CPNE8: variants seen among roughly 807,000 people sequenced by gnomAD.
CPNE8 encodes the protein copine-8.
Under a neutral mutation model 81.5 loss-of-function variants are expected in CPNE8, and 45 were observed. That is an observed-to-expected ratio of 0.55 (90% CI 0.44 to 0.71). The LOEUF (loss-of-function observed/expected upper bound fraction) is 0.71, where lower values mean the gene tolerates loss of function less well. Ranked by LOEUF, CPNE8 falls within the 30% of genes least tolerant of loss-of-function variation. CPNE8 has a pLI of 0.00. For missense variants in CPNE8, 594 were observed against 672.1 expected (o/e 0.88, Z 1.28); for synonymous variants, 252 against 226.3 (o/e 1.11, Z -1.02).
chr12:38,687,357 C>T lies in CPNE8; in HGVS notation c.1144-1740G>A, dbSNP rs887281932. On this transcript the variant is annotated intron_variant, in intron 15 of 19. Transcript: ENST00000331366. The stretch of plus-strand genomic sequence containing the variant: ...TAAACACCATTATGCTACCAAATTA[C>T]GAAATGCCAAGACTTTCTTTTTTTT... Among the ~76,000 whole-genome samples, 26 of 145,028 alleles carry T rather than the reference C, an allele frequency of 1.8e-4. No individual in the cohort carries two copies. The East Asian group carries it at 1.9e-3, about 10-fold the overall frequency.
intron 1 of CPNE8, among the ~76,000 whole-genome samples, chr12:38,891,946 G>A (rs1258549804): frequency 6.6e-6 from 1 of 152,180 alleles, no homozygotes; most frequent in Non-Finnish European, 1.5e-5. Context: ...GGGGAGACAG[G>A]CGTGCAAAAA....
At chr12:38,669,494 T>C (rs2136642438) in intron 19 of CPNE8, among the ~76,000 whole-genome samples, 1 of 152,304 alleles carries the variant, frequency 6.6e-6, no homozygotes, top group South Asian at 2.1e-4. Flanking sequence ...CTATAAAGCT[T>C]ATCCAAGTTA....
At chr12:38,720,082 A>C (rs1253657028) in intron 13 of CPNE8, among the ~76,000 whole-genome samples, 1 of 152,118 alleles carries the variant, frequency 6.6e-6, no homozygotes, top group African/African-American at 2.4e-5. Flanking sequence ...ACCTCCCCAG[A>C]ACTGGGTTCT....
At chr12:38,875,543 T>C (rs892481413) in intron 1 of CPNE8, among the ~76,000 whole-genome samples, 6 of 152,340 alleles carry the variant, frequency 3.9e-5, no homozygotes, top group Non-Finnish European at 8.8e-5. Flanking sequence ...AGGACTACTA[T>C]TCATGTGCAT....
chr12:38,785,889 C>A (rs1249140526), intron 6 of CPNE8, among the ~76,000 whole-genome samples: 1 of 151,264 alleles, frequency 6.6e-6, no homozygotes, highest in South Asian at 2.1e-4. Flanking sequence ...TCTTAGTAAC[C>A]ACAAACAAGA....
chr12:38,880,673 T>A (rs1156232902), intron 1 of CPNE8, among the ~76,000 whole-genome samples: 1 of 152,038 alleles, frequency 6.6e-6, no homozygotes, highest in Non-Finnish European at 1.5e-5. Flanking sequence ...GTTTTCAGAA[T>A]TTTTTTTATG....
chr12:38,834,147 A>T (rs1943344537), intron 5 of CPNE8, among the ~76,000 whole-genome samples: 1 of 152,132 alleles, frequency 6.6e-6, no homozygotes, highest in Admixed American at 6.5e-5. Flanking sequence ...TTTTAAAATG[A>T]TCATTCTAGC....
In CPNE8 at chr12:38,670,988, CAAAG is replaced by C; in HGVS notation, c.1433-190_1433-187del. On this transcript the variant is annotated intron_variant, in intron 18 of 19. Transcript: ENST00000331366. Reference sequence around the variant, plus strand: ...CTTGATTAAGTGTGCATTTTACAGACAAAGAAAGTGAACCAAGATCTTTTGTGAC... The same window carrying C: ...CTTGATTAAGTGTGCATTTTACAGACAAAGTGAACCAAGATCTTTTGTGAC... 3 of 503,050 alleles carry C rather than the reference CAAAG, an allele frequency of 6.0e-6. No individual in the cohort carries two copies. In the South Asian group the frequency reaches 8.0e-5, roughly 13 times the overall value. The allele number at this position is 503,050 out of a possible 1,614,324, so 31.2% of individuals were successfully genotyped here.
chr12:38,802,607 G>A (rs544178307), intron 6 of CPNE8, among the ~76,000 whole-genome samples: 3 of 148,138 alleles, frequency 2.0e-5, no homozygotes, highest in Non-Finnish European at 3.0e-5. Flanking sequence ...AACTATAAAA[G>A]CAAGAGCAAA....
intron 6 of CPNE8, among the ~76,000 whole-genome samples, chr12:38,779,399 C>T (rs1355080012): frequency 2.0e-5 from 3 of 152,096 alleles, no homozygotes; most frequent in African/African-American, 7.2e-5. Flanking sequence ...CAGCATAAAG[C>T]TTATATCTCA....
chr12:38,681,384 A>T (rs1431795762), intron 16 of CPNE8, among the ~76,000 whole-genome samples: 1 of 146,332 alleles, frequency 6.8e-6, no homozygotes. Flanking sequence ...AGATTTAAAC[A>T]TAGTATTTTA....
At chr12:38,814,619 C>A (rs1232790438) in intron 6 of CPNE8, among the ~76,000 whole-genome samples, 3 of 151,870 alleles carry the variant, frequency 2.0e-5, no homozygotes, top group African/African-American at 7.3e-5. Flanking sequence ...TTAGGGTGGG[C>A]TATTTATGTG....
intron 10 of CPNE8, among the ~76,000 whole-genome samples, chr12:38,746,914 T>A (rs1435717599): frequency 6.6e-6 from 1 of 152,164 alleles, no homozygotes; most frequent in Non-Finnish European, 1.5e-5. Flanking sequence ...ATGTAATGTA[T>A]CTTAATTAAA....
rs1938733874 is a variant in CPNE8, at chr12:38,653,024, C to G, written c.*858G>C. On this transcript the variant is annotated 3_prime_UTR_variant, in exon 20 of 20. Coordinates refer to ENST00000331366, the MANE Select transcript of CPNE8 (RefSeq NM_153634.3). ...TTTAAAACATCTGCTACATAGTTCA[C>G]AGTTAAATAGTCTTGGTTTCAGTCT... The G allele has an allele frequency of 1.3e-5, 2 of 152,700 alleles. No homozygotes were observed. Among genetic ancestry groups the G allele is most frequent in the East Asian group, 3.9e-4 (2 of 5,192 alleles). 9.5% of individuals were successfully genotyped at this position (152,700 alleles called of 1,614,324 possible).
At chr12:38,728,876 T>C (rs1269195805) in intron 11 of CPNE8, among the ~76,000 whole-genome samples, 1 of 152,186 alleles carries the variant, frequency 6.6e-6, no homozygotes, top group Non-Finnish European at 1.5e-5. Flanking sequence ...ACTGATCTCT[T>C]CTTTTGAAAA....
Position 38,675,765 on chromosome 12 carries a change from GT to G in CPNE8, c.1383del (p.Lys461AsnfsTer6). ...CCTACTATAATTATTGACATTGGAAGTTTTGAGGCCTTCAAAGAGAATATAC... is the reference window on the plus strand; with the variant it reads ...CCTACTATAATTATTGACATTGGAAGTTTGAGGCCTTCAAAGAGAATATAC... ...QTKESIVNAS[K>X]LPMSIIIVGV... On this transcript the variant is annotated frameshift_variant, in exon 18 of 20. Coordinates refer to ENST00000331366, the MANE Select transcript of CPNE8 (RefSeq NM_153634.3). LOFTEE classifies it high-confidence loss of function. 6.2e-7 allele frequency: 1 copy of G among 1,600,874 alleles called. No homozygotes were observed. The highest frequency in any genetic ancestry group is 8.6e-7 in the Non-Finnish European group (1 of 1,168,428).
At chr12:38,654,265 C>T (rs1479828605) in intron 19 of CPNE8, among the ~76,000 whole-genome samples, 195 bp from the exon 20 acceptor site, 1 of 151,954 alleles carries the variant, frequency 6.6e-6, no homozygotes, top group African/African-American at 2.4e-5. Flanking sequence ...CCTGTAATCC[C>T]AGCACTTTGG....
At chr12:38,776,363 A>G (rs886086979) in intron 6 of CPNE8, 62 bp from the exon 7 acceptor site, 50 of 509,178 alleles carry the variant, frequency 9.8e-5, no homozygotes, top group African/African-American at 8.8e-4. Context: ...TATAATATAA[A>G]TTTATATATC....
chr12:38,675,125 T>G (rs1939259182), intron 18 of CPNE8, among the ~76,000 whole-genome samples: 1 of 152,228 alleles, frequency 6.6e-6, no homozygotes, highest in African/African-American at 2.4e-5. Flanking sequence ...CTACCCAGTA[T>G]GCCAATTTAG....
Sources: allele counts gnomAD v4.1 joint callset (sites outside exome capture counted in the v4.1 genomes callset), GRCh38; gene constraint gnomAD v4.1.1; transcripts MANE v1.5; gene names NCBI Gene and HGNC (gene_info 2026-07-23, HGNC 2026-07-21).